FMN2: variants seen among roughly 807,000 people sequenced by gnomAD.
FMN2 encodes formin 2.
A neutral mutation model predicts 142.3 loss-of-function variants in FMN2; 51 were observed. The ratio of observed to expected loss-of-function variants is 0.36; its 90% CI spans 0.29 to 0.45. The LOEUF is 0.45. Ranked by LOEUF, FMN2 falls within the 20% of genes least tolerant of loss-of-function variation. The pLI is 1.00. For missense variants in FMN2, 1,936 were observed against 2,122.8 expected (o/e 0.91, Z 1.73); for synonymous variants, 882 against 869.8 (o/e 1.01, Z -0.25).
At chr1:240,445,746 T>A (rs546283121) in intron 16 of FMN2, among the ~76,000 whole-genome samples, 2 of 148,394 alleles carry the variant, frequency 1.3e-5, no homozygotes, top group South Asian at 2.1e-4. Context: ...ATATGATACA[T>A]GTAATGAGAA....
chr1:240,198,881 C>A (rs2355835), intron 4 of FMN2, among the ~76,000 whole-genome samples: 46,046 of 151,854 alleles, frequency 0.3, 7,228 homozygotes, highest in South Asian at 0.37. Flanking sequence ...CCGAGGTGGG[C>A]GTATCACGAT....
At chr1:240,323,923 G>A (rs941755378) in intron 8 of FMN2, among the ~76,000 whole-genome samples, 28 of 152,166 alleles carry the variant, frequency 1.8e-4, no homozygotes, top group African/African-American at 5.3e-4. Flanking sequence ...TTTTGCCCTC[G>A]CAGCTCTCCG....
chr1:240,225,790 A>C (rs1667276929), intron 6 of FMN2, among the ~76,000 whole-genome samples: 1 of 152,224 alleles, frequency 6.6e-6, no homozygotes, highest in African/African-American at 2.4e-5. Context: ...AAAGAACTCC[A>C]GGCAACTATT....
At chr1:240,448,562 C>A (rs1422168380) in intron 16 of FMN2, among the ~76,000 whole-genome samples, 1 of 152,060 alleles carries the variant, frequency 6.6e-6, no homozygotes, top group Non-Finnish European at 1.5e-5. Flanking sequence ...ACGCTTGTAT[C>A]CCCAGCACTT....
At chr1:240,411,927 C>G (rs943979054) in intron 15 of FMN2, among the ~76,000 whole-genome samples, 22 of 152,240 alleles carry the variant, frequency 1.4e-4, no homozygotes, top group Non-Finnish European at 1.5e-4. Context: ...GTCCGAAGCT[C>G]AGGAGTGATG....
At chr1:240,225,372 A>C (rs1409580144) in intron 6 of FMN2, among the ~76,000 whole-genome samples, 1 of 152,226 alleles carries the variant, frequency 6.6e-6, no homozygotes, top group Admixed American at 6.5e-5. Flanking sequence ...CAGGGGCCTT[A>C]AGAATAATCT....
At chr1:240,142,497 A>ATT (rs879623308) in intron 2 of FMN2, among the ~76,000 whole-genome samples, 31,398 of 149,396 alleles carry the variant, frequency 0.21, 3,338 homozygotes, top group Middle Eastern at 0.27. Flanking sequence ...TTATTTATTT[A>ATT]TATTTTTTGG....
Position 240,180,566 on chromosome 1 carries a change from C to CTTTTTTTT in FMN2, c.1930+2511_1930+2518dup, listed in dbSNP as rs58433196. ...ATCCACTGTATATAACACATGACCC[C>CTTTTTTTT]TTTTTTTTTTTTTTTTTTTTAATGG... On this transcript the variant is annotated intron_variant, in intron 3 of 17. Coordinates refer to ENST00000319653, the MANE Select transcript of FMN2 (RefSeq NM_020066.5). Among the ~76,000 whole-genome samples, 64 of 126,176 alleles carry CTTTTTTTT rather than the reference C, an allele frequency of 5.1e-4. 3 individuals carry two copies. The South Asian group carries it at 0.01, about 21-fold the overall frequency. 82.8% of individuals were successfully genotyped at this position (126,176 alleles called of 152,430 possible).
chr1:240,383,390 C>A (rs1219759186), intron 14 of FMN2, among the ~76,000 whole-genome samples: 3 of 152,040 alleles, frequency 2.0e-5, no homozygotes, highest in Admixed American at 6.6e-5. Context: ...TATCAAGAAT[C>A]CACAAGGAAC....
At chr1:240,199,955 C>A (rs1056199807) in intron 4 of FMN2, among the ~76,000 whole-genome samples, 2 of 152,168 alleles carry the variant, frequency 1.3e-5, no homozygotes, top group Non-Finnish European at 2.9e-5. Flanking sequence ...AACTGTTGCA[C>A]AATCACTGGA....
intron 14 of FMN2, among the ~76,000 whole-genome samples, chr1:240,375,117 G>A (rs1010969374): frequency 6.6e-6 from 1 of 152,130 alleles, no homozygotes; most frequent in African/African-American, 2.4e-5. Flanking sequence ...GTGAGAACAC[G>A]AACAGTATTT....
intron 1 of FMN2, among the ~76,000 whole-genome samples, chr1:240,096,691 T>G (rs1430984968): frequency 6.6e-6 from 1 of 152,232 alleles, no homozygotes; most frequent in Non-Finnish European, 1.5e-5. Context: ...ATAAGCATCT[T>G]TTATTTTTAA....
At chr1:240,184,388 C>T (rs1342009153) in intron 3 of FMN2, among the ~76,000 whole-genome samples, 2 of 151,522 alleles carry the variant, frequency 1.3e-5, no homozygotes, top group East Asian at 1.9e-4. Context: ...AGGTGCCCAC[C>T]ACCAGGCCGG....
chr1:240,408,624 T>C (rs560606924), intron 15 of FMN2, among the ~76,000 whole-genome samples: 12 of 152,306 alleles, frequency 7.9e-5, no homozygotes, highest in African/African-American at 2.6e-4. Context: ...TAGTTTAATA[T>C]TGGTAATATA....
Position 240,342,632 on chromosome 1 carries a change from C to G in FMN2, c.4765+8403C>G, listed in dbSNP as rs6691893. On this transcript the variant is annotated intron_variant, in intron 13 of 17. Coordinates refer to ENST00000319653, the MANE Select transcript of FMN2 (RefSeq NM_020066.5). ...TTACCAAATGTTATAAAAATACTTT[C>G]TAGAGGAAAACTGATGAATTTTATG... 4.4e-3 allele frequency among the ~76,000 whole-genome samples: 662 copies of G among 152,106 alleles called. 7 individuals are homozygous for G. The highest frequency in any genetic ancestry group is 0.015 in the African/African-American group (643 of 41,518).
At chr1:240,217,403 A>G (rs1293111990) in intron 6 of FMN2, among the ~76,000 whole-genome samples, 4 of 152,174 alleles carry the variant, frequency 2.6e-5, no homozygotes, top group South Asian at 2.1e-4. Context: ...GGACAGTTAT[A>G]TTTGTCTTTT....
intron 14 of FMN2, among the ~76,000 whole-genome samples, chr1:240,373,434 T>C (rs1160687728): frequency 2.6e-5 from 4 of 152,210 alleles, no homozygotes; most frequent in African/African-American, 9.7e-5. Flanking sequence ...TTACCCACAG[T>C]AGAACTTCTT....
intron 15 of FMN2, among the ~76,000 whole-genome samples, chr1:240,436,994 T>A (rs1675395799): frequency 1.3e-5 from 2 of 152,266 alleles, no homozygotes; most frequent in African/African-American, 4.8e-5. Context: ...TCTAACCAGT[T>A]CTCTTGCCAC....
rs555220068 is a variant in FMN2, at chr1:240,171,311, A to G, written c.1783-6610A>G. On this transcript the variant is annotated intron_variant, in intron 2 of 17. Coordinates refer to ENST00000319653, the MANE Select transcript of FMN2 (RefSeq NM_020066.5). Reference sequence around the variant, plus strand: ...AAGATTTAATTCAAAAGAGAAAACCAGCGTCCATCCTGTCGTGATGTGATG... The same window carrying G: ...AAGATTTAATTCAAAAGAGAAAACCGGCGTCCATCCTGTCGTGATGTGATG... 1.5e-4 allele frequency: 106 copies of G among 707,098 alleles called. No homozygotes were observed. The East Asian group carries it at 2.5e-3, about 17-fold the overall frequency. The allele number at this position is 707,098 out of a possible 1,614,324, so 43.8% of individuals were successfully genotyped here.
Sources: gnomAD v4.1 joint callset for allele counts (sites outside exome capture counted in the v4.1 genomes callset) on GRCh38, gnomAD v4.1.1 for gene constraint, MANE v1.5 for transcripts, NCBI Gene and HGNC (gene_info 2026-07-23, HGNC 2026-07-21) for gene names.